CPNE4: variants seen among roughly 807,000 people sequenced by gnomAD.
The protein encoded by CPNE4 is copine 4.
CPNE4 carries 25 observed loss-of-function variants against 67.9 expected under a neutral mutation model. That is an observed-to-expected ratio of 0.37 (90% confidence interval 0.27 to 0.51). The LOEUF (loss-of-function observed/expected upper bound fraction) is 0.51. Among genes scored for constraint, CPNE4 ranks in the 20% least tolerant of loss-of-function variants. The pLI, the probability that CPNE4 is intolerant of heterozygous loss-of-function variation, is 0.93. For missense variants in CPNE4, 464 were observed against 690.8 expected, an observed-to-expected ratio of 0.67 and a Z score of 3.68; for synonymous variants, 242 against 244.9, an observed-to-expected ratio of 0.99 and a Z score of 0.11.
At chr3:131,922,318 G>A (rs569571507) in intron 1 of CPNE4, among the ~76,000 whole-genome samples, 16 of 152,100 alleles carry the variant, frequency 1.1e-4, no homozygotes, top group East Asian at 1.9e-4. Flanking sequence ...TATCCAATCC[G>A]CTGTTGATGG....
chr3:131,542,821 G>A (rs768577212), intron 14 of CPNE4, 28 bp from the exon 15 acceptor site: 10 of 1,492,528 alleles, frequency 6.7e-6, no homozygotes, highest in East Asian at 4.5e-5. Context: ...ATGATGATGG[G>A]GGGGGGTGAA....
chr3:131,770,519 A>C (rs1379970009), intron 2 of CPNE4, among the ~76,000 whole-genome samples: 1 of 152,212 alleles, frequency 6.6e-6, no homozygotes, highest in Non-Finnish European at 1.5e-5. Flanking sequence ...GCTAGCAACC[A>C]GGGGAGACAA....
chr3:131,836,100 G>C (rs940938984), intron 2 of CPNE4, among the ~76,000 whole-genome samples: 1 of 152,162 alleles, frequency 6.6e-6, no homozygotes, highest in Admixed American at 6.5e-5. Flanking sequence ...ACTGGTTTCA[G>C]GTTGGCCTCT....
chr3:131,593,514 C>T (rs749892407), intron 7 of CPNE4, among the ~76,000 whole-genome samples: 3 of 152,054 alleles, frequency 2.0e-5, no homozygotes, highest in Admixed American at 6.5e-5. Flanking sequence ...GATTTTGTAT[C>T]CTGCAACTTT....
At chr3:131,701,932 C>T (rs915130012) in intron 3 of CPNE4, among the ~76,000 whole-genome samples, 2 of 152,076 alleles carry the variant, frequency 1.3e-5, no homozygotes, top group Admixed American at 6.6e-5. Flanking sequence ...ATACTGTACA[C>T]ATATTATTCA....
chr3:131,837,444 C>G lies in CPNE4; in HGVS notation c.180+67820G>C, dbSNP rs151249125. ...TGAAAAAGCCAATCCCAAATAGTTA[C>G]ACAGTGTGTGATTTCACTTTATATA... On this transcript the variant is annotated intron_variant, in intron 2 of 15. Coordinates refer to ENST00000429747, the MANE Select transcript of CPNE4 (RefSeq NM_130808.3). Among the ~76,000 whole-genome samples, 62 of 152,052 alleles carry G rather than the reference C, an allele frequency of 4.1e-4. 1 individual carries two copies. The highest frequency in any genetic ancestry group is 1.5e-3 in the African/African-American group (62 of 41,538).
Position 131,794,391 on chromosome 3 carries a change from C to T in CPNE4, c.181-70766G>A, listed in dbSNP as rs146015161. Among the ~76,000 whole-genome samples, 502 of 152,154 alleles carry T rather than the reference C, an allele frequency of 3.3e-3. 4 individuals are homozygous for T. Among genetic ancestry groups the T allele is most frequent in the African/African-American group, 0.011 (469 of 41,494 alleles). ...TCCTGAGTAGTTGGCACTACAGGCGCGCATCACCATGCCCAGCTAATTTTT... is the reference window on the plus strand; with the variant it reads ...TCCTGAGTAGTTGGCACTACAGGCGTGCATCACCATGCCCAGCTAATTTTT... On this transcript the variant is annotated intron_variant, in intron 2 of 15. Transcript: ENST00000429747.
intron 1 of CPNE4, among the ~76,000 whole-genome samples, chr3:131,963,342 GTT>G (rs879924457): frequency 6.8e-6 from 1 of 147,784 alleles, no homozygotes; most frequent in East Asian, 2.0e-4. Context: ...GCTAGCTGCA[GTT>G]TTTTTTTTTC....
intron 2 of CPNE4, among the ~76,000 whole-genome samples, chr3:131,772,995 T>C (rs2083205448): frequency 6.6e-6 from 1 of 152,166 alleles, no homozygotes. Flanking sequence ...TTGACTCTTT[T>C]GGACTGAACT....
At chr3:131,702,944 G>A (rs2107708289) in intron 3 of CPNE4, among the ~76,000 whole-genome samples, 1 of 152,286 alleles carries the variant, frequency 6.6e-6, no homozygotes, top group Admixed American at 6.5e-5. Flanking sequence ...CAGCCTCGAG[G>A]TTTCCATCTC....
chr3:131,665,688 A>AAACAAACAAAC (rs1560077779), intron 7 of CPNE4, among the ~76,000 whole-genome samples: 7 of 67,920 alleles, frequency 1.0e-4, no homozygotes, highest in African/African-American at 3.0e-4. Context: ...AACAAACAAA[A>AAACAAACAAAC]AACAGAAAGA....
At chr3:131,809,100 G>A (rs1913292) in intron 2 of CPNE4, among the ~76,000 whole-genome samples, 145,675 of 152,236 alleles carry the variant, frequency 0.96, 69,711 homozygotes, top group East Asian at 1. Flanking sequence ...AAAGTTGCAG[G>A]TGGAAATTAG....
At chr3:131,595,974 A>G (rs1604575) in intron 7 of CPNE4, among the ~76,000 whole-genome samples, 19,074 of 152,158 alleles carry the variant, frequency 0.13, 1,562 homozygotes, top group African/African-American at 0.23. Context: ...GAGGTTGCCA[A>G]GGGCTGGAAG....
intron 1 of CPNE4, among the ~76,000 whole-genome samples, chr3:131,918,939 G>A (rs1216042728): frequency 6.6e-6 from 1 of 152,098 alleles, no homozygotes. Flanking sequence ...TATTGCATTT[G>A]GGAATATTTT....
intron 7 of CPNE4, among the ~76,000 whole-genome samples, chr3:131,608,447 C>T (rs577258836): frequency 6.6e-6 from 1 of 152,156 alleles, no homozygotes; most frequent in East Asian, 1.9e-4. Flanking sequence ...TGCAATGAAG[C>T]CTGAAGTATG....
intron 1 of CPNE4, among the ~76,000 whole-genome samples, chr3:131,963,041 A>T (rs1219306653): frequency 6.6e-6 from 1 of 152,024 alleles, no homozygotes; most frequent in East Asian, 1.9e-4. Context: ...CGCATTTCCA[A>T]CAGAGGTACC....
At chr3:131,815,762 TG>T (rs1158530869) in intron 2 of CPNE4, among the ~76,000 whole-genome samples, 1 of 152,150 alleles carries the variant, frequency 6.6e-6, no homozygotes, top group Non-Finnish European at 1.5e-5. Context: ...CTTTTTATAC[TG>T]GGGAAAGGGG....
intron 2 of CPNE4, among the ~76,000 whole-genome samples, chr3:131,756,273 C>T (rs2082748868): frequency 6.6e-6 from 1 of 152,298 alleles, no homozygotes; most frequent in Non-Finnish European, 1.5e-5. Flanking sequence ...TTATCAGATG[C>T]TGAGAAAAGA....
chr3:131,723,663 T>A, intron 2 of CPNE4, 38 bp from the exon 3 acceptor site: 1 of 1,531,664 alleles, frequency 6.5e-7, no homozygotes. Context: ...GAGATAAGGA[T>A]TATTTTTATT....
Sources: allele counts gnomAD v4.1 joint callset (sites outside exome capture counted in the v4.1 genomes callset), GRCh38; gene constraint gnomAD v4.1.1; transcripts MANE v1.5; gene names NCBI Gene and HGNC (gene_info 2026-07-23, HGNC 2026-07-21).